Variants in ADAMTSL3 observed in about 807,000 individuals in gnomAD.
ADAMTSL3 encodes ADAMTS like 3.
Under a neutral mutation model 201.7 loss-of-function variants are expected in ADAMTSL3, and 128 were observed. The ratio of observed to expected loss-of-function variants is 0.63; its 90% confidence interval spans 0.55 to 0.73. The LOEUF is 0.73. Among genes scored for constraint, ADAMTSL3 ranks in the 30% least tolerant of loss-of-function variants. The pLI is 0.00. For missense variants in ADAMTSL3, 1,990 were observed against 2,119.6 expected (o/e 0.94, Z 1.20); for synonymous variants, 738 against 748.4 (o/e 0.99, Z 0.23).
chr15:83,671,295 T>G (rs2061326116), intron 2 of ADAMTSL3, among the ~76,000 whole-genome samples: 1 of 152,174 alleles, frequency 6.6e-6, no homozygotes, highest in Non-Finnish European at 1.5e-5. Context: ...GGCACAGAAC[T>G]TTTTGGGGGC....
chr15:83,975,063 G>A (rs766337597), intron 20 of ADAMTSL3, among the ~76,000 whole-genome samples: 37 of 144,570 alleles, frequency 2.6e-4, no homozygotes, highest in African/African-American at 8.0e-4. Context: ...GTGCAGTGGC[G>A]CGATCTCAGC....
Position 83,923,993 on chromosome 15 carries a change from G to T in ADAMTSL3, c.2077G>T (p.Ala693Ser). 1 of 1,614,136 alleles carries T rather than the reference G, an allele frequency of 6.2e-7. No individual in the cohort carries two copies. Among genetic ancestry groups the T allele is most frequent in the Non-Finnish European group, 8.5e-7 (1 of 1,180,006 alleles). Residue 693 changes from alanine (A) to serine (S), a missense_variant, in exon 17 of 30, where the codon GCC becomes TCC. Transcript: ENST00000286744. Reference sequence around the variant, plus strand: ...GTGTGATATGGTCCACCGTCCTCCAGCCATGAGCCAGGCCTGTAACACAGA... The same window carrying T: ...GTGTGATATGGTCCACCGTCCTCCATCCATGAGCCAGGCCTGTAACACAGA... ...SLCDMVHRPP[A>S]MSQACNTEPC...
intron 26 of ADAMTSL3, among the ~76,000 whole-genome samples, chr15:84,024,279 G>T (rs1007966199): frequency 1.3e-5 from 2 of 152,020 alleles, no homozygotes; most frequent in African/African-American, 4.8e-5. Flanking sequence ...AAACATACAA[G>T]ATCTGATATA....
At chr15:83,708,428 A>G (rs2061883168) in intron 3 of ADAMTSL3, among the ~76,000 whole-genome samples, 1 of 152,206 alleles carries the variant, frequency 6.6e-6, no homozygotes, top group African/African-American at 2.4e-5. Context: ...CCCTGAGGCC[A>G]GTAACACATA....
At position 83,754,393 on chromosome 15, in the gene ADAMTSL3, C is replaced by T. The variant is rs527334714; in HGVS notation, c.190-19130C>T. Among the ~76,000 whole-genome samples, 7 of 152,104 alleles carry T rather than the reference C, an allele frequency of 4.6e-5. No individual in the cohort carries two copies. In the South Asian group the frequency reaches 8.4e-4, roughly 18 times the overall value. On this transcript the variant is annotated intron_variant, in intron 3 of 29. Coordinates refer to ENST00000286744, the MANE Select transcript of ADAMTSL3 (RefSeq NM_207517.3). Reference sequence around the variant, plus strand: ...CCACCAAGACAGGCTTCTTGGCAAGCGTTCACCGGAGAGAGCTGAATTTGG... The same window carrying T: ...CCACCAAGACAGGCTTCTTGGCAAGTGTTCACCGGAGAGAGCTGAATTTGG...
chr15:83,830,095 C>T (rs1274579037), intron 6 of ADAMTSL3, among the ~76,000 whole-genome samples: 6 of 152,002 alleles, frequency 3.9e-5, no homozygotes, highest in Admixed American at 3.9e-4. Flanking sequence ...TTTCTGATAT[C>T]ATGATTAAGT....
At chr15:83,915,073 C>A (rs1321173543) in intron 16 of ADAMTSL3, among the ~76,000 whole-genome samples, 1 of 152,184 alleles carries the variant, frequency 6.6e-6, no homozygotes, top group Non-Finnish European at 1.5e-5. Context: ...AAAATGCCAG[C>A]TGTCTCCATT....
intron 10 of ADAMTSL3, 144 bp downstream of exon 10, chr15:83,885,356 A>G (rs1394652604): frequency 1.5e-6 from 1 of 672,772 alleles, no homozygotes. Flanking sequence ...CCTGAATGCA[A>G]TCGTGTTAAT....
chr15:84,037,398 T>C (rs1279754069), intron 29 of ADAMTSL3, among the ~76,000 whole-genome samples: 2 of 152,160 alleles, frequency 1.3e-5, no homozygotes, highest in African/African-American at 4.8e-5. Flanking sequence ...TGTGTAGCAT[T>C]CATAAGTTTT....
intron 24 of ADAMTSL3, among the ~76,000 whole-genome samples, chr15:84,015,922 A>G (rs563723137): frequency 6.6e-6 from 1 of 152,318 alleles, no homozygotes; most frequent in South Asian, 2.1e-4. Flanking sequence ...GAGAGGTCAA[A>G]TCATGGCATT....
At position 83,821,897 on chromosome 15, in the gene ADAMTSL3, T is replaced by C. The variant is rs868005113; in HGVS notation, c.600+1850T>C. Among the ~76,000 whole-genome samples, 834 of 121,554 alleles carry C rather than the reference T, an allele frequency of 6.9e-3. 16 individuals are homozygous for C. Among genetic ancestry groups the C allele is most frequent in the African/African-American group, 0.025 (764 of 30,932 alleles). 79.7% of individuals were successfully genotyped at this position (121,554 alleles called of 152,430 possible). A position where few individuals can be genotyped will look rare whatever the true frequency, so the allele number is the denominator to read the frequency against. On this transcript the variant is annotated intron_variant, in intron 6 of 29. Transcript: ENST00000286744. ...CTGACCCCCCCAACTCCCTCCCGGA[T>C]GGGGCGGCTGGCCGGGCAGAGGGGC...
chr15:83,686,074 A>G (rs1369149791), intron 2 of ADAMTSL3, among the ~76,000 whole-genome samples: 2 of 152,146 alleles, frequency 1.3e-5, no homozygotes, highest in African/African-American at 2.4e-5. Context: ...CAAGTAGCAG[A>G]CGCCTCTCTT....
At chr15:83,891,097 C>A in intron 11 of ADAMTSL3, 1 of 464,686 alleles carries the variant, frequency 2.2e-6, no homozygotes, top group Non-Finnish European at 3.8e-6. Flanking sequence ...TAATATACTG[C>A]TAGTTTAGTT....
intron 3 of ADAMTSL3, among the ~76,000 whole-genome samples, chr15:83,733,144 C>G (rs946481450): frequency 6.6e-6 from 1 of 152,132 alleles, no homozygotes; most frequent in Admixed American, 6.6e-5. Flanking sequence ...TGTAAAATAT[C>G]TCCTTAAACC....
chr15:83,863,757 C>T (rs911063022), intron 8 of ADAMTSL3, among the ~76,000 whole-genome samples: 2 of 152,080 alleles, frequency 1.3e-5, no homozygotes, highest in Non-Finnish European at 2.9e-5. Context: ...CAAGAAATAA[C>T]TAAGATCAGA....
intron 7 of ADAMTSL3, 125 bp downstream of exon 7, chr15:83,838,340 TA>T: frequency 7.9e-7 from 1 of 1,265,986 alleles, no homozygotes; most frequent in Non-Finnish European, 1.1e-6. Flanking sequence ...ACCAATTTTC[TA>T]AAAGTGAAAT....
At chr15:83,730,189 A>G (rs548959407) in intron 3 of ADAMTSL3, among the ~76,000 whole-genome samples, 3 of 152,246 alleles carry the variant, frequency 2.0e-5, no homozygotes, top group Admixed American at 1.3e-4. Context: ...TCTTTAAGAG[A>G]TGGATAACAT....
chr15:83,803,863 C>T lies in ADAMTSL3; in HGVS notation c.318-787C>T, dbSNP rs146659011. 7.3e-4 allele frequency among the ~76,000 whole-genome samples: 111 copies of T among 152,310 alleles called. 1 individual carries two copies. Among genetic ancestry groups the T allele is most frequent in the African/African-American group, 2.6e-3 (107 of 41,560 alleles). On this transcript the variant is annotated intron_variant, in intron 4 of 29. Transcript: ENST00000286744. The stretch of plus-strand genomic sequence containing the variant: ...AGGTCAGTGGTTGAAACAAAATAGA[C>T]CGGCTGCAGTAGCTCACGCCTGTAA...
At chr15:83,988,332 G>C (rs1271785328) in intron 21 of ADAMTSL3, among the ~76,000 whole-genome samples, 1 of 152,196 alleles carries the variant, frequency 6.6e-6, no homozygotes, top group African/African-American at 2.4e-5. Context: ...GGCAGAAAAG[G>C]AGTGTTTAAC....
Sources: allele counts gnomAD v4.1 joint callset (sites outside exome capture counted in the v4.1 genomes callset), GRCh38; gene constraint gnomAD v4.1.1; transcripts MANE v1.5; gene names NCBI Gene and HGNC (gene_info 2026-07-23, HGNC 2026-07-21).